The following QRICH1 variants were observed in gnomAD, a reference collection of about 807,000 sequenced individuals.
QRICH1 encodes the protein glutamine rich 1, also known as transcriptional regulator QRICH1.
In QRICH1, 16 loss-of-function variants were observed where a neutral mutation model predicts 87.1. The ratio of observed to expected loss-of-function variants is 0.18; its 90% confidence interval spans 0.12 to 0.28. The LOEUF is 0.28. QRICH1 is among the 10% of genes least tolerant of loss of function. QRICH1 has a pLI of 1.00. For missense variants in QRICH1, 647 were observed against 951.7 expected, an observed-to-expected ratio of 0.68 and a Z score of 4.21; for synonymous variants, 367 against 368.4, an observed-to-expected ratio of 1.00 and a Z score of 0.05.
chr3:49,032,684 T>C lies in QRICH1; in HGVS notation c.1985A>G (p.Lys662Arg), dbSNP rs1306030586. ...RQTKKNPSNPKDKSTSIRYLK... is the reference protein window; with the variant it reads ...RQTKKNPSNPRDKSTSIRYLK... ...GTACCGGATACTCGTGCTTTTATCC[T>C]TGGGATTAGAGGGGTTCTTCTTTGT... is the stretch of plus-strand genomic sequence containing the variant. Residue 662 changes from lysine to arginine, a missense_variant, in exon 8 of 10, where the codon AAG (lysine) becomes AGG (arginine). By Grantham distance (26) the Lys-to-Arg change is conservative. Transcript: ENST00000395443. 1 of 1,612,894 alleles carries C rather than the reference T, an allele frequency of 6.2e-7. No homozygotes were observed. Among genetic ancestry groups the C allele is most frequent in the Non-Finnish European group, 8.5e-7 (1 of 1,179,476 alleles).
At chr3:49,049,544 C>A (rs1027451076) in intron 3 of QRICH1, among the ~76,000 whole-genome samples, 5 of 152,116 alleles carry the variant, frequency 3.3e-5, no homozygotes, top group Non-Finnish European at 7.4e-5. Flanking sequence ...ACCACCCAGG[C>A]TGGAGAGCAG....
At chr3:49,044,241 T>A (rs1176459053) in intron 6 of QRICH1, 149 bp downstream of exon 6, 2 of 641,968 alleles carry the variant, frequency 3.1e-6, no homozygotes, top group Non-Finnish European at 5.4e-6. Context: ...CTCTTCCCTA[T>A]CAGGGCAAGT....
At chr3:49,033,392 G>C in intron 6 of QRICH1, 164 bp from the exon 7 acceptor site, 1 of 413,936 alleles carries the variant, frequency 2.4e-6, no homozygotes, top group Non-Finnish European at 4.2e-6. Flanking sequence ...TTAAAACACA[G>C]ATAGCTGGGT....
intron 1 of QRICH1, among the ~76,000 whole-genome samples, chr3:49,088,261 C>T (rs963428993): frequency 4.6e-5 from 7 of 151,256 alleles, no homozygotes; most frequent in African/African-American, 9.7e-5. Flanking sequence ...CCAGAATTGA[C>T]GTATTTCTAT....
chr3:49,048,374 G>A (rs1008363138), intron 3 of QRICH1, among the ~76,000 whole-genome samples: 17 of 150,820 alleles, frequency 1.1e-4, no homozygotes, highest in Non-Finnish European at 2.9e-5. Context: ...CAGGTGATCC[G>A]CCCTCCTCAG....
rs776378682 is a variant in QRICH1, at chr3:49,030,554, C to G, written c.2229G>C (p.Gln743His). ...GTCCCATCTGCTCTCTGCTGATAGG[C>G]TGGACTGAGTACCAGATTGGGCTGT... The part of the protein sequence containing the change: ...APNSPIWYSV[Q>H]PISREQMGQM... Residue 743 changes from glutamine (Q) to histidine (H), a missense_variant, in exon 10 of 10, where the codon CAG becomes CAC. This residue lies in a region of QRICH1 where 56 missense variants were observed against 79.4 expected (regional missense o/e 0.71). Transcript: ENST00000395443. The G allele has an allele frequency of 1.2e-6, 2 of 1,613,960 alleles. No individual in the cohort carries two copies.
At chr3:49,056,717 T>C in intron 3 of QRICH1, 145 bp downstream of exon 3, 1 of 1,367,316 alleles carries the variant, frequency 7.3e-7, no homozygotes, top group Non-Finnish European at 1.0e-6. Flanking sequence ...ACGTGATGTT[T>C]CTCCCCCTCT....
intron 2 of QRICH1, among the ~76,000 whole-genome samples, chr3:49,062,631 G>A (rs965177108): frequency 6.6e-6 from 1 of 151,342 alleles, no homozygotes; most frequent in Non-Finnish European, 1.5e-5. Flanking sequence ...AAAGTGCTGG[G>A]ATTACATGTG....
intron 2 of QRICH1, among the ~76,000 whole-genome samples, chr3:49,058,870 C>G (rs1452221955): frequency 6.6e-6 from 1 of 152,168 alleles, no homozygotes; most frequent in Non-Finnish European, 1.5e-5. Flanking sequence ...TCAAGTGATC[C>G]GCCCACCTTG....
intron 5 of QRICH1, 129 bp from the exon 6 acceptor site, chr3:49,044,633 C>A: frequency 1.6e-6 from 1 of 617,026 alleles, no homozygotes. Context: ...AACCAAGGCA[C>A]CAGCATGTGA....
Position 49,043,470 on chromosome 3 carries a change from T to C in QRICH1, c.1786+920A>G, listed in dbSNP as rs868678885. ...AAGATCACACCATTGCACTCCAGCC[T>C]GGGCAACAAGAGCAAAACTCTGTCT... On this transcript the variant is annotated intron_variant, in intron 6 of 9. Transcript: ENST00000395443. 6.3e-5 allele frequency among the ~76,000 whole-genome samples: 7 copies of C among 111,554 alleles called. No homozygotes were observed. The South Asian group carries it at 1.8e-3, about 28-fold the overall frequency. The allele number at this position is 111,554 out of a possible 152,430, so 73.2% of individuals were successfully genotyped here.
intron 3 of QRICH1, among the ~76,000 whole-genome samples, chr3:49,052,408 G>A (rs1481005533): frequency 1.3e-5 from 2 of 152,138 alleles, no homozygotes; most frequent in Non-Finnish European, 2.9e-5. Flanking sequence ...CCAAACAGAG[G>A]AAGGCATGGC....
At chr3:49,041,947 T>C (rs1407180449) in intron 6 of QRICH1, among the ~76,000 whole-genome samples, 1 of 151,880 alleles carries the variant, frequency 6.6e-6, no homozygotes, top group Non-Finnish European at 1.5e-5. Flanking sequence ...CAATTTTTTG[T>C]ATTTTTAGTA....
At chr3:49,045,782 G>C (rs967728489) in intron 5 of QRICH1, among the ~76,000 whole-genome samples, 3 of 151,654 alleles carry the variant, frequency 2.0e-5, no homozygotes, top group East Asian at 1.9e-4. Flanking sequence ...TGTAGAGATG[G>C]GGTTTCACTA....
chr3:49,049,658 C>T (rs1382774704), intron 3 of QRICH1, among the ~76,000 whole-genome samples: 2 of 151,500 alleles, frequency 1.3e-5, no homozygotes, highest in East Asian at 2.0e-4. Context: ...CCATCATGCC[C>T]GGCTAATTTT....
chr3:49,090,458 CAAAA>C (rs11425427), intron 1 of QRICH1, among the ~76,000 whole-genome samples: 1 of 96,124 alleles, frequency 1.0e-5, no homozygotes. Context: ...GACTACGTCT[CAAAA>C]AAAAAAAAAA....
intron 6 of QRICH1, among the ~76,000 whole-genome samples, chr3:49,042,315 G>T (rs1007158099): frequency 9.3e-5 from 14 of 151,056 alleles, no homozygotes; most frequent in Admixed American, 2.6e-4. Flanking sequence ...TAGCCAGGAT[G>T]GTCTCGATCT....
intron 6 of QRICH1, 36 bp from the exon 7 acceptor site, chr3:49,033,264 G>A (rs777474094): frequency 2.2e-6 from 3 of 1,358,886 alleles, no homozygotes; most frequent in East Asian, 5.3e-5. Flanking sequence ...ACAAGAGGAT[G>A]GCAGGTGGTC....
intron 6 of QRICH1, among the ~76,000 whole-genome samples, chr3:49,038,707 G>GT (rs1428567719): frequency 6.6e-6 from 1 of 152,186 alleles, no homozygotes; most frequent in Non-Finnish European, 1.5e-5. Flanking sequence ...GTGAGCCACT[G>GT]TGCCCAGCCA....
Sources: allele counts gnomAD v4.1 joint callset (sites outside exome capture counted in the v4.1 genomes callset), GRCh38; gene constraint gnomAD v4.1.1; regional missense constraint gnomAD v4.1.1; transcripts MANE v1.5; gene names NCBI Gene and HGNC (gene_info 2026-07-23, HGNC 2026-07-21).